Variants in CUBN observed in about 807,000 individuals in gnomAD.
CUBN encodes cubilin, also known as 460 kDa receptor.
CUBN carries 282 observed loss-of-function variants against 405.3 expected under a neutral mutation model. The observed-to-expected ratio is 0.70, with a 90% CI of 0.63 to 0.77. The LOEUF is 0.77. CUBN is among the 30% of genes least tolerant of loss of function. The pLI is 0.00. For synonymous variants in CUBN, 1,684 were observed against 1,617.0 expected, an observed-to-expected ratio of 1.04 and a Z score of -0.99; for missense variants, 4,514 against 4,475.2, an observed-to-expected ratio of 1.01 and a Z score of -0.25.
chr10:17,082,517 CT>C (rs1835995868), intron 17 of CUBN, among the ~76,000 whole-genome samples: 1 of 152,120 alleles, frequency 6.6e-6, no homozygotes, highest in Admixed American at 6.6e-5. Context: ...ACTGATAGTT[CT>C]TTAGAACCAG....
chr10:16,890,651 T>A (rs1405938743), intron 54 of CUBN, 124 bp from the exon 55 acceptor site: 4 of 922,326 alleles, frequency 4.3e-6, no homozygotes, highest in South Asian at 4.0e-5. Flanking sequence ...AAACAAAACA[T>A]GGACAAATCT....
intron 40 of CUBN, among the ~76,000 whole-genome samples, chr10:16,931,341 A>T (rs534012649): frequency 2.6e-5 from 4 of 152,188 alleles, no homozygotes; most frequent in Admixed American, 1.3e-4. Flanking sequence ...ACCAACTGAC[A>T]CAGACCAGGC....
At chr10:16,849,184 A>G (rs930983221) in intron 60 of CUBN, among the ~76,000 whole-genome samples, 4 of 152,080 alleles carry the variant, frequency 2.6e-5, no homozygotes, top group African/African-American at 9.7e-5. Flanking sequence ...TTACAATTCA[A>G]TAGTATTGAC....
rs375737781 is a variant in CUBN, at chr10:17,058,413, C to G, written c.3139+7095G>C. 4.9e-4 allele frequency among the ~76,000 whole-genome samples: 75 copies of G among 152,134 alleles called. No homozygotes were observed. The East Asian group carries it at 0.011, about 22-fold the overall frequency. On this transcript the variant is annotated intron_variant, in intron 22 of 66. Coordinates refer to ENST00000377833, the MANE Select transcript of CUBN (RefSeq NM_001081.4). ...ATATTATGTTAAAAGCTTGAAAGTTCTGTGCACAGACAGGTTGCACTCTCT... is the reference window on the plus strand; with the variant it reads ...ATATTATGTTAAAAGCTTGAAAGTTGTGTGCACAGACAGGTTGCACTCTCT...
At chr10:17,127,012 G>GT (rs955277187) in intron 3 of CUBN, among the ~76,000 whole-genome samples, 257 of 150,688 alleles carry the variant, frequency 1.7e-3, no homozygotes, top group Middle Eastern at 6.9e-3. Context: ...GTTTTTTTAA[G>GT]TTTTTTTTTA....
intron 54 of CUBN, among the ~76,000 whole-genome samples, chr10:16,891,385 G>T (rs1840999357): frequency 6.6e-6 from 1 of 152,146 alleles, no homozygotes. Flanking sequence ...GGGGAAGTGA[G>T]CCTGCCCCGA....
At chr10:16,951,714 C>A (rs1055732776) in intron 33 of CUBN, among the ~76,000 whole-genome samples, 1 of 152,160 alleles carries the variant, frequency 6.6e-6, no homozygotes, top group Non-Finnish European at 1.5e-5. Flanking sequence ...AGAAAGTAAG[C>A]GTTTATTCAA....
intron 22 of CUBN, among the ~76,000 whole-genome samples, chr10:17,057,031 T>A (rs549739727): frequency 6.6e-6 from 1 of 152,018 alleles, no homozygotes; most frequent in Non-Finnish European, 1.5e-5. Context: ...AATGAAAAGA[T>A]TGGCAATATT....
chr10:16,924,879 T>C (rs1842137252), intron 43 of CUBN, among the ~76,000 whole-genome samples: 1 of 152,190 alleles, frequency 6.6e-6, no homozygotes, highest in Non-Finnish European at 1.5e-5. Context: ...AGTCTTATAA[T>C]GTTTCTGTAA....
At chr10:17,083,516 AATAC>A (rs146497391) in intron 17 of CUBN, among the ~76,000 whole-genome samples, 3 of 142,626 alleles carry the variant, frequency 2.1e-5, no homozygotes, top group Non-Finnish European at 3.0e-5. Context: ...AAAATAAATA[AATAC>A]ATACATACAT....
intron 4 of CUBN, among the ~76,000 whole-genome samples, chr10:17,125,548 A>C (rs1301381821): frequency 6.6e-6 from 1 of 152,226 alleles, no homozygotes; most frequent in Non-Finnish European, 1.5e-5. Context: ...ACTCATTCAA[A>C]GGTTTTCTGT....
chr10:16,990,250 G>C (rs1429834452), intron 29 of CUBN, 84 bp downstream of exon 29: 4 of 1,296,042 alleles, frequency 3.1e-6, no homozygotes, highest in East Asian at 2.3e-5. Context: ...CTGACTACTG[G>C]AAAGAATTCG....
intron 60 of CUBN, among the ~76,000 whole-genome samples, chr10:16,846,358 G>A (rs1362833719): frequency 6.6e-6 from 1 of 152,186 alleles, no homozygotes; most frequent in Non-Finnish European, 1.5e-5. Context: ...TTGTGTAGCA[G>A]TGTTAGAGTA....
chr10:17,053,764 A>T (rs941754917), intron 22 of CUBN, among the ~76,000 whole-genome samples: 1 of 152,136 alleles, frequency 6.6e-6, no homozygotes, highest in Non-Finnish European at 1.5e-5. Flanking sequence ...ACTGCAGACA[A>T]CACAGTTTTT....
intron 51 of CUBN, among the ~76,000 whole-genome samples, chr10:16,903,377 A>G (rs1372391266): frequency 1.3e-5 from 2 of 152,146 alleles, no homozygotes; most frequent in African/African-American, 4.8e-5. Flanking sequence ...CAGAAACAAG[A>G]TGCTATCATT....
At chr10:16,825,111 A>G in intron 66 of CUBN, 29 bp from the exon 67 acceptor site, 4 of 1,495,590 alleles carry the variant, frequency 2.7e-6, no homozygotes, top group Non-Finnish European at 3.7e-6. Context: ...GTATCCAATT[A>G]TATATTTCAC....
intron 54 of CUBN, 22 bp from the exon 55 acceptor site, chr10:16,890,549 C>T: frequency 6.2e-7 from 1 of 1,613,904 alleles, no homozygotes; most frequent in Non-Finnish European, 8.5e-7. Context: ...ATACACAGAA[C>T]TTTAATGCTC....
At chr10:17,090,064 C>T (rs1240672413) in intron 14 of CUBN, among the ~76,000 whole-genome samples, 1 of 152,050 alleles carries the variant, frequency 6.6e-6, no homozygotes, top group Non-Finnish European at 1.5e-5. Flanking sequence ...TGCTGTGAGA[C>T]ACGATCGCAC....
At chr10:16,979,082 C>G (rs2932902) in intron 31 of CUBN, among the ~76,000 whole-genome samples, 131,779 of 151,648 alleles carry the variant, frequency 0.87, 58,055 homozygotes, top group Non-Finnish European at 0.96. Flanking sequence ...TGAGTGAACT[C>G]CCATTCACAA....
Sources: gnomAD v4.1 joint callset for allele counts (sites outside exome capture counted in the v4.1 genomes callset) on GRCh38, gnomAD v4.1.1 for gene constraint, MANE v1.5 for transcripts, NCBI Gene and HGNC (gene_info 2026-07-23, HGNC 2026-07-21) for gene names.